Variants in GC observed in about 807,000 individuals in gnomAD.
The protein encoded by GC is GC vitamin D binding protein, also known as vitamin D-binding protein.
In GC, 43 loss-of-function variants were observed where a neutral mutation model predicts 56.7. That is an observed-to-expected ratio of 0.76 (90% CI 0.59 to 0.98). The LOEUF is 0.98. Ranked by LOEUF, GC falls within the 50% of genes least tolerant of loss-of-function variation. The pLI, the probability that GC is intolerant of heterozygous loss-of-function variation, is 0.00. For missense variants in GC, 529 were observed against 545.9 expected (o/e 0.97, Z 0.31); for synonymous variants, 216 against 202.7 (o/e 1.07, Z -0.56).
chr4:71,784,102 T>C (rs753082158), upstream of GC: 33 of 1,536,658 alleles, frequency 2.1e-5, no homozygotes, highest in South Asian at 4.0e-4. Flanking sequence ...TTGGTTTCCT[T>C]TTTACAAAGA....
intron 1 of GC, among the ~76,000 whole-genome samples, chr4:71,800,605 G>A (rs1322921693): frequency 1.3e-5 from 2 of 152,108 alleles, no homozygotes; most frequent in African/African-American, 2.4e-5. Context: ...CCAGTAATGC[G>A]ATTGCTGGGT....
At chr4:71,795,143 G>T (rs1442418221) in intron 1 of GC, among the ~76,000 whole-genome samples, 1 of 152,162 alleles carries the variant, frequency 6.6e-6, no homozygotes, top group African/African-American at 2.4e-5. Flanking sequence ...TGTTGATTTG[G>T]GGTGGAGAGT....
chr4:71,804,584 C>T (rs1408514745), upstream of GC, among the ~76,000 whole-genome samples: 2 of 151,986 alleles, frequency 1.3e-5, no homozygotes, highest in African/African-American at 4.8e-5. Flanking sequence ...GTTGTTTTAG[C>T]TAGCACTGAC....
upstream of GC, among the ~76,000 whole-genome samples, chr4:71,805,515 A>C (rs1030040955): frequency 1.4e-4 from 22 of 152,160 alleles, no homozygotes; most frequent in African/African-American, 5.1e-4. Context: ...CTGAAGAATG[A>C]GCAGTCCCAA....
intron 6 of GC, among the ~76,000 whole-genome samples, chr4:71,759,363 G>A (rs1741891313): frequency 6.6e-6 from 1 of 152,154 alleles, no homozygotes; most frequent in African/African-American, 2.4e-5. Flanking sequence ...CTTCCATACT[G>A]TTTTCCATAA....
chr4:71,757,226 A>G (rs1262376283), intron 7 of GC, among the ~76,000 whole-genome samples: 1 of 152,168 alleles, frequency 6.6e-6, no homozygotes, highest in East Asian at 1.9e-4. Flanking sequence ...CCTAAATACA[A>G]TAGAGGATTA....
At chr4:71,794,664 C>G (rs548704965) in intron 1 of GC, among the ~76,000 whole-genome samples, 12 of 152,146 alleles carry the variant, frequency 7.9e-5, no homozygotes, top group South Asian at 4.2e-4. Flanking sequence ...TCCTTGAGTT[C>G]TGCTCTGATC....
At chr4:71,801,911 T>C (rs1399801053) in intron 1 of GC, among the ~76,000 whole-genome samples, 4 of 150,398 alleles carry the variant, frequency 2.7e-5, no homozygotes, top group African/African-American at 9.8e-5. Context: ...TTTTATTGCC[T>C]GCCCTGGAAG....
chr4:71,757,920 A>T, intron 7 of GC, 122 bp downstream of exon 7: 1 of 685,462 alleles, frequency 1.5e-6, no homozygotes, highest in South Asian at 2.4e-5. Context: ...TATTTCATAG[A>T]ATACATGTAA....
chr4:71,800,399 A>C (rs946321569), intron 1 of GC, among the ~76,000 whole-genome samples: 1 of 152,182 alleles, frequency 6.6e-6, no homozygotes, highest in Non-Finnish European at 1.5e-5. Context: ...TGTCCCTGCG[A>C]AGGATATGAT....
At chr4:71,797,953 A>G (rs539222184) in intron 1 of GC, among the ~76,000 whole-genome samples, 4 of 152,324 alleles carry the variant, frequency 2.6e-5, no homozygotes, top group African/African-American at 9.6e-5. Context: ...TCTTCTCTTT[A>G]AAACTTTAGT....
intron 1 of GC, among the ~76,000 whole-genome samples, chr4:71,795,425 T>C (rs1359115212): frequency 6.6e-6 from 1 of 152,214 alleles, no homozygotes; most frequent in Non-Finnish European, 1.5e-5. Context: ...GCCTTGTTTG[T>C]CTCTTTGATC....
chr4:71,754,649 G>A (rs1717124973), intron 9 of GC, 141 bp from the exon 10 acceptor site: 11 of 670,298 alleles, frequency 1.6e-5, no homozygotes, highest in Admixed American at 2.7e-5. Context: ...TAATTTTAGG[G>A]TTTGCAGGCC....
chr4:71,764,659 T>G (rs1472065762), intron 4 of GC, among the ~76,000 whole-genome samples: 1 of 152,206 alleles, frequency 6.6e-6, no homozygotes, highest in Admixed American at 6.6e-5. Context: ...AAGAAATAAT[T>G]TCTATTTCTG....
At chr4:71,802,351 C>T (rs942245129) in intron 1 of GC, among the ~76,000 whole-genome samples, 5 of 152,042 alleles carry the variant, frequency 3.3e-5, no homozygotes, top group South Asian at 2.1e-4. Flanking sequence ...ACATGCAAAA[C>T]GAGATTTGGT....
intron 1 of GC, among the ~76,000 whole-genome samples, chr4:71,778,644 C>T (rs796065881): frequency 6.6e-6 from 1 of 151,772 alleles, no homozygotes; most frequent in African/African-American, 2.4e-5. Flanking sequence ...TGAAATGAGA[C>T]TTTAAAGACA....
In GC at chr4:71,758,107, C is replaced by T; in HGVS notation, c.766G>A (p.Glu256Lys). 1.2e-6 allele frequency: 2 copies of T among 1,613,206 alleles called. No homozygotes were observed. Among genetic ancestry groups the T allele is most frequent in the Non-Finnish European group, 1.7e-6 (2 of 1,179,262 alleles). Residue 256 changes from glutamate to lysine, a missense_variant, in exon 7 of 13, where the codon GAA (glutamate) becomes AAA (lysine). Physicochemically the swap from Glu to Lys is moderately conservative, Grantham distance 56. Transcript: ENST00000273951. ...ADLEDVLPLAEDITNILSKCC... is the reference protein window; with the variant it reads ...ADLEDVLPLAKDITNILSKCC... Reference sequence around the variant, plus strand: ...TTGGAGAGGATGTTAGTAATATCTTCAGCTAGTGGCAAAACATCCTCCAGA... The same window carrying T: ...TTGGAGAGGATGTTAGTAATATCTTTAGCTAGTGGCAAAACATCCTCCAGA...
At chr4:71,758,223 G>T (rs760212860) in intron 6 of GC, 52 bp from the exon 7 acceptor site, 1 of 1,538,800 alleles carries the variant, frequency 6.5e-7, no homozygotes, top group Non-Finnish European at 8.9e-7. Context: ...CAGTTTTCTT[G>T]GTTTCGTGAT....
intron 1 of GC, among the ~76,000 whole-genome samples, chr4:71,791,367 T>C (rs1006191641): frequency 1.3e-5 from 2 of 152,084 alleles, no homozygotes; most frequent in African/African-American, 4.8e-5. Flanking sequence ...GGGTAGTATT[T>C]TTTTTCCTCT....
Sources: allele counts gnomAD v4.1 joint callset (sites outside exome capture counted in the v4.1 genomes callset), GRCh38; gene constraint gnomAD v4.1.1; transcripts MANE v1.5; gene names NCBI Gene and HGNC (gene_info 2026-07-23, HGNC 2026-07-21).